Variants in RSRC1 observed in about 807,000 individuals in gnomAD.
RSRC1 encodes arginine and serine rich coiled-coil 1, also known as serine/Arginine-related protein 53.
A neutral mutation model predicts 49.1 loss-of-function variants in RSRC1; 39 were observed. The ratio of observed to expected loss-of-function variants is 0.79; its 90% CI spans 0.61 to 1.04. The LOEUF is 1.04. Among genes scored for constraint, RSRC1 ranks in the 50% least tolerant of loss-of-function variants. RSRC1 has a pLI of 0.00. For synonymous variants in RSRC1, 143 were observed against 130.8 expected, an observed-to-expected ratio of 1.09 and a Z score of -0.63; for missense variants, 388 against 402.4, an observed-to-expected ratio of 0.96 and a Z score of 0.31.
At chr3:158,383,489 T>G (rs1222052080) in intron 6 of RSRC1, among the ~76,000 whole-genome samples, 2 of 151,124 alleles carry the variant, frequency 1.3e-5, no homozygotes, top group Non-Finnish European at 3.0e-5. Context: ...GGGCTGTATG[T>G]GCTGACTAAC....
intron 3 of RSRC1, among the ~76,000 whole-genome samples, chr3:158,162,553 A>G (rs1718294121): frequency 6.6e-6 from 1 of 152,176 alleles, no homozygotes; most frequent in Non-Finnish European, 1.5e-5. Context: ...AAATTCATTA[A>G]CTTGGTTTAT....
chr3:158,282,338 G>A (rs752844863), intron 4 of RSRC1, among the ~76,000 whole-genome samples: 1 of 152,140 alleles, frequency 6.6e-6, no homozygotes, highest in Middle Eastern at 3.2e-3. Context: ...TGTAACTTTT[G>A]TGTGGCATGA....
intron 3 of RSRC1, among the ~76,000 whole-genome samples, chr3:158,200,675 C>G (rs750202275): frequency 6.6e-6 from 1 of 151,818 alleles, no homozygotes; most frequent in Non-Finnish European, 1.5e-5. Flanking sequence ...AGTAGTTGCT[C>G]TAAGGATTAC....
intron 3 of RSRC1, among the ~76,000 whole-genome samples, chr3:158,202,565 T>TATATATATA (rs1721112867): frequency 7.3e-6 from 1 of 137,234 alleles, no homozygotes; most frequent in Admixed American, 7.2e-5. Flanking sequence ...TGGTAGATTA[T>TATATATATA]ATATATATAT....
chr3:158,298,093 C>G lies in RSRC1; in HGVS notation c.531+18C>G. The G allele has an allele frequency of 2.5e-6, 4 of 1,579,938 alleles. No homozygotes were observed. The highest frequency in any genetic ancestry group is 2.2e-5 in the South Asian group (2 of 90,128). On this transcript the variant is annotated intron_variant, in intron 5 of 9. Coordinates refer to ENST00000611884, the MANE Select transcript of RSRC1 (RefSeq NM_001271838.2). ...AACATCTGGTAAGTTCTCATTTTCT[C>G]TTGAACATTTGCATCATCTTTGATA...
chr3:158,388,179 TTAA>T (rs1422409717), intron 6 of RSRC1, among the ~76,000 whole-genome samples: 1 of 151,572 alleles, frequency 6.6e-6, no homozygotes, highest in Non-Finnish European at 1.5e-5. Context: ...TTATCAAACA[TTAA>T]TATTATATAA....
intron 4 of RSRC1, among the ~76,000 whole-genome samples, chr3:158,226,260 G>A (rs1287180497): frequency 1.3e-5 from 2 of 151,550 alleles, no homozygotes; most frequent in Non-Finnish European, 2.9e-5. Context: ...AGTAAAACAG[G>A]GAAGCCCTTT....
chr3:158,533,924 T>C (rs1158900311), intron 7 of RSRC1, among the ~76,000 whole-genome samples: 3 of 151,660 alleles, frequency 2.0e-5, no homozygotes, highest in Non-Finnish European at 4.4e-5. Flanking sequence ...GAATCTTCTC[T>C]CATTTCACAT....
intron 3 of RSRC1, among the ~76,000 whole-genome samples, chr3:158,130,656 T>C (rs9820954): frequency 0.71 from 108,211 of 152,066 alleles, 39,240 homozygotes; most frequent in African/African-American, 0.83. Flanking sequence ...AGTTTGTGTA[T>C]ATTAAACCAT....
chr3:158,151,117 A>C (rs1424652129), intron 3 of RSRC1, among the ~76,000 whole-genome samples: 2 of 152,226 alleles, frequency 1.3e-5, no homozygotes, highest in East Asian at 3.8e-4. Context: ...AGGCCCCTGC[A>C]ACAAAAGACA....
At chr3:158,242,883 C>G (rs564088246) in intron 4 of RSRC1, among the ~76,000 whole-genome samples, 2 of 152,066 alleles carry the variant, frequency 1.3e-5, no homozygotes, top group East Asian at 3.9e-4. Context: ...TGTCCTTTGC[C>G]CACTTTTAAT....
At chr3:158,453,282 C>G (rs1253530897) in intron 6 of RSRC1, among the ~76,000 whole-genome samples, 1 of 151,232 alleles carries the variant, frequency 6.6e-6, no homozygotes, top group Non-Finnish European at 1.5e-5. Context: ...CTTGTGCACA[C>G]ATATCTATAG....
chr3:158,363,882 G>A (rs1731616569), intron 6 of RSRC1, among the ~76,000 whole-genome samples: 1 of 152,088 alleles, frequency 6.6e-6, no homozygotes, highest in African/African-American at 2.4e-5. Context: ...CCTAGCTATG[G>A]AAGTGAATTT....
In RSRC1 at chr3:158,399,256, G is replaced by T. The variant is rs1461877472; in HGVS notation, c.583+44348G>T. On this transcript the variant is annotated intron_variant, in intron 6 of 9. Coordinates refer to ENST00000611884, the MANE Select transcript of RSRC1 (RefSeq NM_001271838.2). ...TGCAAGCTCCGCCTCCCGGGTTCAC[G>T]CCATTCTCCTGCCTCAGCCTCCCAA... Among the ~76,000 whole-genome samples, 4 of 66,292 alleles carry T rather than the reference G, an allele frequency of 6.0e-5. 1 individual carries two copies. Among genetic ancestry groups the T allele is most frequent in the African/African-American group, 1.4e-4 (2 of 14,322 alleles). The allele number at this position is 66,292 out of a possible 152,430, so 43.5% of individuals were successfully genotyped here. A position where few individuals can be genotyped will look rare whatever the true frequency, so the allele number is the denominator to read the frequency against.
chr3:158,203,659 A>G (rs1042353984), intron 4 of RSRC1, among the ~76,000 whole-genome samples: 1 of 152,160 alleles, frequency 6.6e-6, no homozygotes, highest in Non-Finnish European at 1.5e-5. Context: ...GTTAGCGGAA[A>G]AGTATAAAGT....
At chr3:158,246,373 T>C (rs1723893634) in intron 4 of RSRC1, among the ~76,000 whole-genome samples, 1 of 147,238 alleles carries the variant, frequency 6.8e-6, no homozygotes, top group African/African-American at 2.5e-5. Flanking sequence ...GTTGTGCACA[T>C]GTACCTTAAA....
At chr3:158,339,794 A>G (rs1375180573) in intron 5 of RSRC1, among the ~76,000 whole-genome samples, 3 of 152,228 alleles carry the variant, frequency 2.0e-5, no homozygotes, top group Non-Finnish European at 2.9e-5. Context: ...GCCTGGTAGA[A>G]AAGACAGACA....
chr3:158,331,953 C>A (rs758937592), intron 5 of RSRC1, among the ~76,000 whole-genome samples: 2 of 150,934 alleles, frequency 1.3e-5, no homozygotes, highest in Non-Finnish European at 2.9e-5. Context: ...GTATACAAAG[C>A]AGTACTTTTG....
chr3:158,391,899 A>G (rs149109090), intron 6 of RSRC1, among the ~76,000 whole-genome samples: 81 of 152,218 alleles, frequency 5.3e-4, no homozygotes, highest in African/African-American at 1.9e-3. Context: ...ATATAATGTA[A>G]AGTAGGGATC....
Sources: allele counts gnomAD v4.1 joint callset (sites outside exome capture counted in the v4.1 genomes callset), GRCh38; gene constraint gnomAD v4.1.1; transcripts MANE v1.5; gene names NCBI Gene and HGNC (gene_info 2026-07-23, HGNC 2026-07-21).